TIGD5: variants seen among roughly 807,000 people sequenced by gnomAD.
TIGD5 encodes the protein tigger transposable element-derived protein 5.
In TIGD5, 24 loss-of-function variants were observed where a neutral mutation model predicts 28.8. The ratio of observed to expected loss-of-function variants is 0.83; its 90% CI spans 0.60 to 1.17. TIGD5 has a LOEUF of 1.17. Among genes scored for constraint, TIGD5 ranks in the 50% most tolerant of loss-of-function variants. The probability of loss-of-function intolerance (pLI) is 0.00; values close to 1 mark genes in which losing one functional copy is unlikely to be tolerated. For missense variants in TIGD5, 922 were observed against 911.4 expected, an observed-to-expected ratio of 1.01 and a Z score of -0.15; for synonymous variants, 538 against 430.5, an observed-to-expected ratio of 1.25 and a Z score of -3.09.
In TIGD5 at chr8:143,599,272, A is replaced by G. The variant is rs1829206578; in HGVS notation, c.1369A>G (p.Met457Val). The change falls in exon 1 of 1, where the codon ATG (methionine) becomes GTG (valine). Residue 457 changes from methionine to valine, a missense_variant. Physicochemically the swap from Met to Val is conservative, Grantham distance 21. Coordinates refer to ENST00000504548, the MANE Select transcript of TIGD5 (RefSeq NM_032862.5). ...DFMRSFMLKD[M>V]LYLAGLSWDL... is the part of the protein sequence containing the mutation. ...CATGCGCAGCTTCATGCTCAAGGAC[A>G]TGCTCTACCTGGCTGGCCTCTCCTG... 1 of 1,611,284 alleles carries G rather than the reference A, an allele frequency of 6.2e-7. No homozygotes were observed. The highest frequency in any genetic ancestry group is 8.5e-7 in the Non-Finnish European group (1 of 1,179,434).
chr8:143,598,814 G>A lies in TIGD5; in HGVS notation c.911G>A (p.Arg304His), dbSNP rs771374573. ...IGRLPDPPSL[R>H]HHNQDKFPAS... ...CGGCTGCCGGACCCGCCCAGCCTGC[G>A]CCACCACAACCAGGACAAGTTCCCG... Residue 304 changes from arginine (R) to histidine (H), a missense_variant, in exon 1 of 1, where the codon CGC (arginine) becomes CAC (histidine). Arg to His is a conservative substitution (Grantham distance 29). Around this residue, in one of 3 missense-constraint regions of TIGD5, gnomAD observed 821 missense variants for 815.2 expected, o/e 1.01. Transcript: ENST00000504548. The surrounding 1 kb of genome is among the most constrained non-coding windows in gnomAD (Gnocchi z 6.6). 159 of 1,600,436 alleles carry A rather than the reference G, an allele frequency of 9.9e-5. 1 individual carries two copies. The highest frequency in any genetic ancestry group is 3.2e-5 in the Non-Finnish European group (38 of 1,179,406).
In TIGD5 at chr8:143,598,172, G is replaced by T; in HGVS notation, c.269G>T (p.Gly90Val). 1 of 1,598,572 alleles carries T rather than the reference G, an allele frequency of 6.3e-7. No homozygotes were observed. Among genetic ancestry groups the T allele is most frequent in the Non-Finnish European group, 8.5e-7 (1 of 1,173,476 alleles). Reference sequence around the variant, plus strand: ...GGCGTGCCGGGCGGGACGCTGCGCGGCTGGCTCAAGGACGAGCCCAAGCTG... The same window carrying T: ...GGCGTGCCGGGCGGGACGCTGCGCGTCTGGCTCAAGGACGAGCCCAAGCTG... The part of the protein sequence containing the change: ...DFGVPGGTLR[G>V]WLKDEPKLRW... Residue 90 changes from glycine (G) to valine (V), a missense_variant, in exon 1 of 1, where the codon GGC (glycine) becomes GTC (valine). Transcript: ENST00000504548. The surrounding 1 kb of genome is among the most constrained non-coding windows in gnomAD (Gnocchi z 6.6).
Position 143,599,165 on chromosome 8 carries a change from T to C in TIGD5, c.1262T>C (p.Val421Ala). ...AHIPAPLEQG[V>A]VAAFKQLYKR... is the part of the protein sequence containing the mutation. ...ATCCCCGCACCGCTGGAGCAGGGCG[T>C]GGTGGCCGCCTTCAAACAGCTGTAC... The change falls in exon 1 of 1, where the codon GTG becomes GCG. Residue 421 changes from valine to alanine, a missense_variant. Around this residue, in one of 3 missense-constraint regions of TIGD5, gnomAD observed 821 missense variants for 815.2 expected, o/e 1.01. Coordinates refer to ENST00000504548, the MANE Select transcript of TIGD5 (RefSeq NM_032862.5). 3.1e-6 allele frequency: 5 copies of C among 1,607,936 alleles called. No individual in the cohort carries two copies. Among genetic ancestry groups the C allele is most frequent in the Non-Finnish European group, 4.2e-6 (5 of 1,178,212 alleles).
At position 143,599,925 on chromosome 8, in the gene TIGD5, C is replaced by G; in HGVS notation, c.*93C>G. 7.5e-7 allele frequency: 1 copy of G among 1,335,154 alleles called. No homozygotes were observed. The highest frequency in any genetic ancestry group is 9.8e-7 in the Non-Finnish European group (1 of 1,025,160). 82.7% of individuals were successfully genotyped at this position (1,335,154 alleles called of 1,614,324 possible). ...CTCTCCTCCCCTCCCCCTGGGGTGG[C>G]CCACCGCATGGGTACAGGGGGTTCC... On this transcript the variant is annotated 3_prime_UTR_variant, in exon 1 of 1. Transcript: ENST00000504548.
In TIGD5 at chr8:143,599,199, G is replaced by T; in HGVS notation, c.1296G>T (p.Glu432Asp). 1 of 1,611,366 alleles carries T rather than the reference G, an allele frequency of 6.2e-7. No homozygotes were observed. ...CCTTCAAACAGCTGTACAAGCGCGAGCTGCTGCGACTGGCTGTGTCCTGCG... is the reference window on the plus strand; with the variant it reads ...CCTTCAAACAGCTGTACAAGCGCGATCTGCTGCGACTGGCTGTGTCCTGCG... ...VAAFKQLYKR[E>D]LLRLAVSCAS... The change falls in exon 1 of 1, where the codon GAG (glutamate) becomes GAT (aspartate). Residue 432 changes from glutamate to aspartate, a missense_variant. Physicochemically the swap from Glu to Asp is conservative, Grantham distance 45. Around this residue, in one of 3 missense-constraint regions of TIGD5, gnomAD observed 821 missense variants for 815.2 expected, o/e 1.01. Coordinates refer to ENST00000504548, the MANE Select transcript of TIGD5 (RefSeq NM_032862.5).
At position 143,598,185 on chromosome 8, in the gene TIGD5, C is replaced by G. The variant is rs760265215; in HGVS notation, c.282C>G (p.Asp94Glu). ...PGGTLRGWLK[D>E]EPKLRWFLEQ... ...GGACGCTGCGCGGCTGGCTCAAGGA[C>G]GAGCCCAAGCTGCGCTGGTTCCTGG... The change falls in exon 1 of 1, where the codon GAC becomes GAG. Residue 94 changes from aspartate to glutamate, a missense_variant. This residue lies in a region of TIGD5 where 821 missense variants were observed against 815.2 expected (regional missense o/e 1.01). Coordinates refer to ENST00000504548, the MANE Select transcript of TIGD5 (RefSeq NM_032862.5). This position sits in a 1 kb window ranked among gnomAD's most constrained non-coding sequence, Gnocchi z 6.6. The G allele has an allele frequency of 6.2e-7, 1 of 1,603,758 alleles. No individual in the cohort carries two copies.
In TIGD5 at chr8:143,597,948, C is replaced by A; in HGVS notation, c.45C>A (p.Gly15=). 2 of 878,620 alleles carry A rather than the reference C, an allele frequency of 2.3e-6. No individual in the cohort carries two copies. Among genetic ancestry groups the A allele is most frequent in the Non-Finnish European group, 2.7e-6 (2 of 735,224 alleles). 54.4% of individuals were successfully genotyped at this position (878,620 alleles called of 1,614,324 possible). The change falls in exon 1 of 1, where the codon GGC becomes GGA. Residue 15 remains glycine, a synonymous_variant. Transcript: ENST00000504548. ...CGGCCGGCCCGGTACCGCGCCGCGG[C>A]CGCCGTCCCCTGCCCGGGCCCCCCG... ...GPPAGPVPRR[G]RRPLPGPPAP... is the part of the protein sequence containing the mutation.
rs1194343436 is a variant in TIGD5 at position 143,600,396 on chromosome 8, C to G, written c.*564C>G. The G allele has an allele frequency of 6.6e-6, 1 of 152,640 alleles. No individual in the cohort carries two copies. Among genetic ancestry groups the G allele is most frequent in the Admixed American group, 6.5e-5 (1 of 15,290 alleles). 9.5% of individuals were successfully genotyped at this position (152,640 alleles called of 1,614,324 possible). On this transcript the variant is annotated 3_prime_UTR_variant, in exon 1 of 1. Transcript: ENST00000504548. ...GCGGTTTCTCTGGAGGTCAGAGGCC[C>G]CAGGTACTGGAGCATCACTGTGGAG...
In TIGD5 at chr8:143,598,275, C is replaced by A; in HGVS notation, c.372C>A (p.Ile124=). ...KKMRLANEEE[I]DRAVYAWFLA... is the part of the protein sequence containing the mutation. ...TGCGGCTGGCCAACGAGGAGGAGAT[C>A]GACCGCGCCGTGTACGCCTGGTTCC... Residue 124 remains isoleucine, a synonymous_variant, in exon 1 of 1, where the codon ATC becomes ATA. Coordinates refer to ENST00000504548, the MANE Select transcript of TIGD5 (RefSeq NM_032862.5). The surrounding 1 kb of genome is among the most constrained non-coding windows in gnomAD (Gnocchi z 6.6). 1.2e-6 allele frequency: 2 copies of A among 1,609,738 alleles called. No homozygotes were observed. The highest frequency in any genetic ancestry group is 1.1e-5 in the South Asian group (1 of 90,894).
Position 143,602,107 on chromosome 8 carries a change from A to AAAG in TIGD5, c.*2277_*2278insGAA, listed in dbSNP as rs1419709610. The stretch of plus-strand genomic sequence containing the variant: ...CGAGACTCTGTCTCAAAAAAAAAAA[A>AAAG]AAAAAAGTGCAGGTGCACGCTGGTG... On this transcript the variant is annotated 3_prime_UTR_variant, in exon 1 of 1. Coordinates refer to ENST00000504548, the MANE Select transcript of TIGD5 (RefSeq NM_032862.5). The AAAG allele has an allele frequency of 6.6e-6, 1 of 151,948 alleles. No homozygotes were observed. The highest frequency in any genetic ancestry group is 1.5e-5 in the Non-Finnish European group (1 of 67,964). 9.4% of individuals were successfully genotyped at this position (151,948 alleles called of 1,614,324 possible).
In TIGD5 at chr8:143,599,849, A is replaced by G; in HGVS notation, c.*17A>G. On this transcript the variant is annotated 3_prime_UTR_variant, in exon 1 of 1. Coordinates refer to ENST00000504548, the MANE Select transcript of TIGD5 (RefSeq NM_032862.5). ...GGTGTGTGACCAGGCCAGCCCAGTG[A>G]CCTTTCTCCTGCTGCACTTGGAGGG... The G allele has an allele frequency of 6.9e-7, 1 of 1,450,336 alleles. No individual in the cohort carries two copies. The highest frequency in any genetic ancestry group is 9.0e-7 in the Non-Finnish European group (1 of 1,111,132). The allele number at this position is 1,450,336 out of a possible 1,614,324, so 89.8% of individuals were successfully genotyped here.
chr8:143,599,986 G>T lies in TIGD5; in HGVS notation c.*154G>T. The T allele has an allele frequency of 1.2e-6, 1 of 860,718 alleles. No individual in the cohort carries two copies. The highest frequency in any genetic ancestry group is 1.6e-6 in the Non-Finnish European group (1 of 631,774). 53.3% of individuals were successfully genotyped at this position (860,718 alleles called of 1,614,324 possible). On this transcript the variant is annotated 3_prime_UTR_variant, in exon 1 of 1. Transcript: ENST00000504548. The stretch of plus-strand genomic sequence containing the variant: ...ATCCAGCATGGCTTGGAGGAGCTCT[G>T]TTGGTGAGAGGTCGCCCTGCCTCAC...
Position 143,598,304 on chromosome 8 carries a change from C to A in TIGD5, c.401C>A (p.Ala134Glu), listed in dbSNP as rs1296246675. 2 of 1,609,190 alleles carry A rather than the reference C, an allele frequency of 1.2e-6. No individual in the cohort carries two copies. The highest frequency in any genetic ancestry group is 2.2e-5 in the East Asian group (1 of 44,514). ...CGCGCCGTGTACGCCTGGTTCCTGG[C>A]GCTGCGCCAGCACGGGGTGCCGCTG... is the stretch of plus-strand genomic sequence containing the variant. ...IDRAVYAWFL[A>E]LRQHGVPLSG... Residue 134 changes from alanine to glutamate, a missense_variant, in exon 1 of 1, where the codon GCG becomes GAG. Coordinates refer to ENST00000504548, the MANE Select transcript of TIGD5 (RefSeq NM_032862.5). This position sits in a 1 kb window ranked among gnomAD's most constrained non-coding sequence, Gnocchi z 6.6.
Position 143,599,149 on chromosome 8 carries a change from C to T in TIGD5, c.1246C>T (p.Pro416Ser), listed in dbSNP as rs1186394367. The T allele has an allele frequency of 1.2e-6, 2 of 1,602,772 alleles. No individual in the cohort carries two copies. The highest frequency in any genetic ancestry group is 2.2e-5 in the East Asian group (1 of 44,476). The change falls in exon 1 of 1, where the codon CCG (proline) becomes TCG (serine). Residue 416 changes from proline (P) to serine (S), a missense_variant. Coordinates refer to ENST00000504548, the MANE Select transcript of TIGD5 (RefSeq NM_032862.5). ...KGSSRAHIPAPLEQGVVAAFK... is the reference protein window; with the variant it reads ...KGSSRAHIPASLEQGVVAAFK... ...CAGCAGCCGGGCACATATCCCCGCA[C>T]CGCTGGAGCAGGGCGTGGTGGCCGC...
In TIGD5 at chr8:143,598,144, T is replaced by C. The variant is rs1220537278; in HGVS notation, c.241T>C (p.Phe81Leu). Residue 81 changes from phenylalanine to leucine, a missense_variant, in exon 1 of 1, where the codon TTC (phenylalanine) becomes CTC (leucine). By Grantham distance (22) the Phe-to-Leu change is conservative (BLOSUM62 0). Around this residue, in one of 3 missense-constraint regions of TIGD5, gnomAD observed 821 missense variants for 815.2 expected, o/e 1.01. Coordinates refer to ENST00000504548, the MANE Select transcript of TIGD5 (RefSeq NM_032862.5). This position sits in a 1 kb window ranked among gnomAD's most constrained non-coding sequence, Gnocchi z 6.6. ...GERQASVCRD[F>L]GVPGGTLRGW... ...GCGGCAGGCCAGTGTGTGCCGCGAC[T>C]TCGGCGTGCCGGGCGGGACGCTGCG... 6.3e-7 allele frequency: 1 copy of C among 1,592,674 alleles called. No individual in the cohort carries two copies. The highest frequency in any genetic ancestry group is 8.5e-7 in the Non-Finnish European group (1 of 1,171,260).
chr8:143,599,642 A>T lies in TIGD5; in HGVS notation c.1739A>T (p.Tyr580Phe), dbSNP rs745574112. 1.3e-6 allele frequency: 2 copies of T among 1,523,380 alleles called. No homozygotes were observed. Among genetic ancestry groups the T allele is most frequent in the East Asian group, 2.3e-5 (1 of 43,878 alleles). The allele number at this position is 1,523,380 out of a possible 1,614,324, so 94.4% of individuals were successfully genotyped here. The part of the protein sequence containing the change: ...GGEDEEEATD[Y>F]GGTSVPTAGE... ...GAGGACGAGGAGGAGGCCACCGACT[A>T]TGGAGGGACCTCAGTGCCGACTGCC... Residue 580 changes from tyrosine (Y) to phenylalanine (F), a missense_variant, in exon 1 of 1, where the codon TAT becomes TTT. Physicochemically the swap from Tyr to Phe is conservative, Grantham distance 22 (BLOSUM62 3). Coordinates refer to ENST00000504548, the MANE Select transcript of TIGD5 (RefSeq NM_032862.5).
rs559398702 is a variant in TIGD5 at position 143,598,008 on chromosome 8, G to A, written c.105G>A (p.Pro35=). 1.2e-5 allele frequency: 15 copies of A among 1,273,910 alleles called. No individual in the cohort carries two copies. In the African/African-American group the frequency reaches 1.6e-4, roughly 13 times the overall value. 78.9% of individuals were successfully genotyped at this position (1,273,910 alleles called of 1,614,324 possible). The change falls in exon 1 of 1, where the codon CCG becomes CCA. Residue 35 remains proline, a synonymous_variant. Coordinates refer to ENST00000504548, the MANE Select transcript of TIGD5 (RefSeq NM_032862.5). This position sits in a 1 kb window ranked among gnomAD's most constrained non-coding sequence, Gnocchi z 6.6. The stretch of plus-strand genomic sequence containing the variant: ...CAGCCCCCGTCCCCGCTGCACGGCC[G>A]CCGCCCCCCGCGCCCGGGCCGCGGC... ...PAPAPVPAAR[P]PPPAPGPRPR...
chr8:143,599,480 CGGAGGAGGTTGCGGAGTGGCTGCACCT>C lies in TIGD5; in HGVS notation c.1581_1607del (p.Glu527_Leu535del). On this transcript the variant is annotated inframe_deletion, in exon 1 of 1. Transcript: ENST00000504548. ...GCTCTGGCCTACAAGTGCCTGGCTC[CGGAGGAGGTTGCGGAGTGGCTGCACCT>C]GGACGATGATGGGGGTCCGCCCGAG... is the stretch of plus-strand genomic sequence containing the variant. 1 of 1,592,242 alleles carries C rather than the reference CGGAGGAGGTTGCGGAGTGGCTGCACCT, an allele frequency of 6.3e-7. No homozygotes were observed. The highest frequency in any genetic ancestry group is 8.5e-7 in the Non-Finnish European group (1 of 1,170,336).
rs1829232870 is a variant in TIGD5, at chr8:143,599,895, C to G, written c.*63C>G. The G allele has an allele frequency of 1.1e-5, 16 of 1,411,520 alleles. No individual in the cohort carries two copies. Among genetic ancestry groups the G allele is most frequent in the Non-Finnish European group, 1.5e-5 (16 of 1,088,078 alleles). 87.4% of individuals were successfully genotyped at this position (1,411,520 alleles called of 1,614,324 possible). A position where few individuals can be genotyped will look rare whatever the true frequency, so the allele number is the denominator to read the frequency against. On this transcript the variant is annotated 3_prime_UTR_variant, in exon 1 of 1. Transcript: ENST00000504548. Reference sequence around the variant, plus strand: ...GAGGGAGGGGACATACACACAGTCTCCCATCTCTCCTCCCCTCCCCCTGGG... The same window carrying G: ...GAGGGAGGGGACATACACACAGTCTGCCATCTCTCCTCCCCTCCCCCTGGG...
Sources: gnomAD v4.1 joint callset for allele counts on GRCh38, gnomAD v4.1.1 for gene constraint, gnomAD v4.1.1 regional missense constraint, Gnocchi (gnomAD v3.1) non-coding constraint, MANE v1.5 for transcripts, NCBI Gene and HGNC (gene_info 2026-07-23, HGNC 2026-07-21) for gene names.